The following RSRC1 variants were observed in gnomAD, a reference collection of about 807,000 sequenced individuals.
RSRC1 encodes arginine and serine rich coiled-coil 1, also known as serine/Arginine-related protein 53.
In RSRC1, 39 loss-of-function variants were observed where a neutral mutation model predicts 49.1. The ratio of observed to expected loss-of-function variants is 0.79; its 90% CI spans 0.61 to 1.04. The LOEUF (loss-of-function observed/expected upper bound fraction) is 1.04, where lower values mean the gene tolerates loss of function less well. Ranked by LOEUF, RSRC1 falls within the 50% of genes least tolerant of loss-of-function variation. The probability of loss-of-function intolerance (pLI) is 0.00; values close to 1 mark genes in which losing one functional copy is unlikely to be tolerated. For missense variants in RSRC1, 388 were observed against 402.4 expected (o/e 0.96, Z 0.31); for synonymous variants, 143 against 130.8 (o/e 1.09, Z -0.63).
At chr3:158,324,477 G>A (rs918387033) in intron 5 of RSRC1, among the ~76,000 whole-genome samples, 1 of 152,098 alleles carries the variant, frequency 6.6e-6, no homozygotes, top group South Asian at 2.1e-4. Context: ...GTGAGAACAT[G>A]AGGTGTTTGG....
intron 6 of RSRC1, among the ~76,000 whole-genome samples, chr3:158,458,280 T>G (rs1320373798): frequency 1.3e-5 from 2 of 152,146 alleles, no homozygotes; most frequent in Non-Finnish European, 1.5e-5. Flanking sequence ...ATAAATAGCA[T>G]GTATACACTG....
chr3:158,356,453 G>A (rs1201314113), intron 6 of RSRC1, among the ~76,000 whole-genome samples: 2 of 152,050 alleles, frequency 1.3e-5, no homozygotes, highest in African/African-American at 4.8e-5. Context: ...AACTTACCAT[G>A]TAGGTAAAAA....
intron 3 of RSRC1, among the ~76,000 whole-genome samples, chr3:158,154,430 A>T (rs1438794731): frequency 2.1e-4 from 32 of 151,874 alleles, no homozygotes; most frequent in Non-Finnish European, 1.5e-5. Flanking sequence ...TCTCTGTAGC[A>T]ATTGATGCTG....
intron 3 of RSRC1, among the ~76,000 whole-genome samples, chr3:158,152,674 A>C (rs1168830814): frequency 2.0e-5 from 3 of 152,212 alleles, no homozygotes; most frequent in African/African-American, 7.2e-5. Context: ...CTGTTGCCTA[A>C]AGTGAGATAC....
At chr3:158,407,971 C>T (rs1734240398) in intron 6 of RSRC1, among the ~76,000 whole-genome samples, 1 of 152,192 alleles carries the variant, frequency 6.6e-6, no homozygotes. Context: ...GAATTCTAAT[C>T]CTGGCTTTGC....
intron 5 of RSRC1, among the ~76,000 whole-genome samples, chr3:158,323,536 C>A (rs987678332): frequency 6.6e-5 from 10 of 152,156 alleles, no homozygotes; most frequent in African/African-American, 2.2e-4. Context: ...GGCTCTCTCA[C>A]TTCTAAAATC....
chr3:158,419,437 T>A (rs1013839956), intron 6 of RSRC1, among the ~76,000 whole-genome samples: 3 of 151,940 alleles, frequency 2.0e-5, no homozygotes, highest in Non-Finnish European at 4.4e-5. Flanking sequence ...GGTGACAGTT[T>A]ATTTGCAACC....
At chr3:158,379,436 G>A (rs532040212) in intron 6 of RSRC1, among the ~76,000 whole-genome samples, 17 of 151,944 alleles carry the variant, frequency 1.1e-4, no homozygotes, top group East Asian at 7.8e-4. Context: ...TCCTGACCTC[G>A]TGATCCGCCT....
intron 6 of RSRC1, among the ~76,000 whole-genome samples, chr3:158,384,331 G>A (rs1732856110): frequency 6.6e-6 from 1 of 152,088 alleles, no homozygotes; most frequent in Admixed American, 6.6e-5. Flanking sequence ...ATAGTGGTAA[G>A]GATCAGCATG....
At chr3:158,286,776 T>A (rs376166677) in intron 4 of RSRC1, among the ~76,000 whole-genome samples, 1 of 152,356 alleles carries the variant, frequency 6.6e-6, no homozygotes, top group East Asian at 1.9e-4. Flanking sequence ...AAGACTTTAA[T>A]AATTGAAAAC....
intron 7 of RSRC1, among the ~76,000 whole-genome samples, chr3:158,535,562 C>G (rs964567869): frequency 5.9e-5 from 9 of 151,264 alleles, no homozygotes; most frequent in South Asian, 2.1e-4. Context: ...AAATATTATT[C>G]TCCATTATAA....
intron 4 of RSRC1, among the ~76,000 whole-genome samples, chr3:158,229,011 A>T (rs1444245918): frequency 2.0e-5 from 2 of 97,574 alleles, no homozygotes; most frequent in Non-Finnish European, 4.0e-5. Flanking sequence ...TGTGTGTATA[A>T]ACACACATAC....
chr3:158,461,219 T>G (rs2108405802), intron 7 of RSRC1, among the ~76,000 whole-genome samples: 1 of 152,010 alleles, frequency 6.6e-6, no homozygotes, highest in Non-Finnish European at 1.5e-5. Context: ...TCTGGGAAAT[T>G]GGGAGGAGAT....
chr3:158,232,297 T>G, intron 4 of RSRC1, among the ~76,000 whole-genome samples: 1 of 152,150 alleles, frequency 6.6e-6, no homozygotes, highest in East Asian at 1.9e-4. Context: ...GATCAAATCT[T>G]AACATTTAGT....
chr3:158,540,821 A>AT (rs1365106205), intron 8 of RSRC1, among the ~76,000 whole-genome samples: 1 of 152,242 alleles, frequency 6.6e-6, no homozygotes, highest in Non-Finnish European at 1.5e-5. Flanking sequence ...CCATTACAGA[A>AT]TAACTGGTAC....
At chr3:158,241,586 TA>T (rs1423644712) in intron 4 of RSRC1, among the ~76,000 whole-genome samples, 2 of 151,960 alleles carry the variant, frequency 1.3e-5, no homozygotes, top group Admixed American at 6.6e-5. Flanking sequence ...AGTGGACTAA[TA>T]AAAAATCAGC....
intron 6 of RSRC1, among the ~76,000 whole-genome samples, chr3:158,367,306 T>C (rs1731821246): frequency 6.6e-6 from 1 of 152,218 alleles, no homozygotes; most frequent in South Asian, 2.1e-4. Flanking sequence ...TTGAGATACA[T>C]TCCATCAACA....
chr3:158,113,741 T>G (rs1000191152), intron 1 of RSRC1, among the ~76,000 whole-genome samples: 1 of 152,216 alleles, frequency 6.6e-6, no homozygotes, highest in Non-Finnish European at 1.5e-5. Context: ...TTTGCATTTC[T>G]CTAATGATCA....
chr3:158,447,440 A>T (rs1210359385), intron 6 of RSRC1, among the ~76,000 whole-genome samples: 1 of 152,014 alleles, frequency 6.6e-6, no homozygotes, highest in Non-Finnish European at 1.5e-5. Flanking sequence ...ATTAAACTTT[A>T]ACAAAAATAA....
Sources: allele counts gnomAD v4.1 joint callset (sites outside exome capture counted in the v4.1 genomes callset), GRCh38; gene constraint gnomAD v4.1.1; transcripts MANE v1.5; gene names NCBI Gene and HGNC (gene_info 2026-07-23, HGNC 2026-07-21).